Variants in ADAMTSL1 observed in about 807,000 individuals in gnomAD.
The protein encoded by ADAMTSL1 is ADAMTS like 1, also known as ADAMTS-like protein 1.
Under a neutral mutation model 201.8 loss-of-function variants are expected in ADAMTSL1, and 126 were observed. The observed-to-expected ratio is 0.62, with a 90% CI of 0.54 to 0.72. The LOEUF (loss-of-function observed/expected upper bound fraction) is 0.72. Ranked by LOEUF, ADAMTSL1 falls within the 30% of genes least tolerant of loss-of-function variation. The pLI is 0.00. For synonymous variants in ADAMTSL1, 1,121 were observed against 903.4 expected (o/e 1.24, Z -4.32); for missense variants, 2,679 against 2,277.8 (o/e 1.18, Z -3.59).
At chr9:18,833,407 G>A (rs541234464) in intron 23 of ADAMTSL1, among the ~76,000 whole-genome samples, 231 of 152,318 alleles carry the variant, frequency 1.5e-3, no homozygotes, top group African/African-American at 5.4e-3. Context: ...TCTAACTGGT[G>A]TGAGATGGTG....
intron 12 of ADAMTSL1, among the ~76,000 whole-genome samples, chr9:18,684,350 A>G (rs2133196646): frequency 6.6e-6 from 1 of 152,296 alleles, no homozygotes; most frequent in African/African-American, 2.4e-5. Flanking sequence ...AATTGACTGT[A>G]CTTTGTTTTC....
intron 1 of ADAMTSL1, among the ~76,000 whole-genome samples, chr9:18,082,659 C>T (rs1216430269): frequency 6.6e-6 from 1 of 152,194 alleles, no homozygotes; most frequent in Non-Finnish European, 1.5e-5. Context: ...CCACCAGCTT[C>T]TTTCTGGATG....
At chr9:18,869,195 T>C (rs563997373) in intron 23 of ADAMTSL1, among the ~76,000 whole-genome samples, 1 of 152,318 alleles carries the variant, frequency 6.6e-6, no homozygotes, top group South Asian at 2.1e-4. Flanking sequence ...GATTCTTCTC[T>C]CACAGTCCTC....
chr9:18,508,469 C>A (rs957661830), intron 2 of ADAMTSL1, among the ~76,000 whole-genome samples: 1 of 152,176 alleles, frequency 6.6e-6, no homozygotes, highest in Admixed American at 6.5e-5. Context: ...TGCATCTGCT[C>A]AGGATCCTCC....
At chr9:18,160,374 A>G (rs1231623754) in intron 1 of ADAMTSL1, among the ~76,000 whole-genome samples, 1 of 151,938 alleles carries the variant, frequency 6.6e-6, no homozygotes, top group Non-Finnish European at 1.5e-5. Flanking sequence ...TTGAATCCGG[A>G]AGAGATTTAA....
At chr9:18,300,310 A>G (rs541555412) in intron 2 of ADAMTSL1, among the ~76,000 whole-genome samples, 1 of 152,316 alleles carries the variant, frequency 6.6e-6, no homozygotes, top group South Asian at 2.1e-4. Flanking sequence ...TGTCCTTTGC[A>G]GGGACGTGGA....
chr9:18,521,727 T>C (rs1257568075), intron 2 of ADAMTSL1, among the ~76,000 whole-genome samples: 1 of 152,178 alleles, frequency 6.6e-6, no homozygotes, highest in East Asian at 1.9e-4. Flanking sequence ...TTCATTGTAA[T>C]TTTTGTTTAT....
chr9:18,467,187 C>T (rs1272906096), intron 2 of ADAMTSL1, among the ~76,000 whole-genome samples: 1 of 152,118 alleles, frequency 6.6e-6, no homozygotes, highest in African/African-American at 2.4e-5. Flanking sequence ...ACTCTACTTA[C>T]AAACAGGGTA....
chr9:18,455,404 A>G (rs533414279), intron 2 of ADAMTSL1, among the ~76,000 whole-genome samples: 2 of 152,186 alleles, frequency 1.3e-5, no homozygotes, highest in African/African-American at 2.4e-5. Context: ...ATATGTTGCA[A>G]ATGTTTCTAA....
chr9:18,518,979 A>T (rs915789342), intron 2 of ADAMTSL1, among the ~76,000 whole-genome samples: 4 of 152,138 alleles, frequency 2.6e-5, no homozygotes, highest in Non-Finnish European at 5.9e-5. Context: ...AGAACTTTAA[A>T]ATGCTGGCCT....
chr9:18,783,333 A>T (rs1187524642), intron 19 of ADAMTSL1, among the ~76,000 whole-genome samples: 1 of 152,226 alleles, frequency 6.6e-6, no homozygotes, highest in Non-Finnish European at 1.5e-5. Flanking sequence ...CAAAAATCCA[A>T]CGTGCATAAT....
intron 1 of ADAMTSL1, among the ~76,000 whole-genome samples, chr9:18,096,279 C>T (rs540799962): frequency 9.4e-4 from 143 of 152,280 alleles, no homozygotes; most frequent in African/African-American, 3.3e-3. Context: ...ATGACAATGA[C>T]TAAATATAGT....
intron 3 of ADAMTSL1, among the ~76,000 whole-genome samples, chr9:18,556,475 A>G (rs75582903): frequency 4.1e-4 from 63 of 152,086 alleles, no homozygotes; most frequent in African/African-American, 1.5e-3. Flanking sequence ...ATCTAAGTGT[A>G]GCCCACTGAA....
rs529290811 is a variant in ADAMTSL1, at chr9:18,283,695, G to A, written c.207+119714G>A. 5.0e-3 allele frequency among the ~76,000 whole-genome samples: 732 copies of A among 145,500 alleles called. 4 individuals carry two copies. The highest frequency in any genetic ancestry group is 0.018 in the African/African-American group (692 of 39,182). On this transcript the variant is annotated intron_variant, in intron 2 of 29. Transcript: ENST00000680146. ...TGGGAGACTGAGGCAGGCAGATCAC[G>A]AGGTCAGGAGATCGAGACCATCCTG...
At chr9:18,270,175 C>G (rs1310673558) in intron 2 of ADAMTSL1, among the ~76,000 whole-genome samples, 2 of 151,990 alleles carry the variant, frequency 1.3e-5, no homozygotes, top group East Asian at 3.9e-4. Context: ...GGTAAAGACC[C>G]ACTTCCTGGC....
intron 1 of ADAMTSL1, among the ~76,000 whole-genome samples, chr9:17,996,588 T>C (rs1337902020): frequency 1.3e-5 from 2 of 152,022 alleles, no homozygotes; most frequent in African/African-American, 4.8e-5. Flanking sequence ...TACTTAATGT[T>C]CTTATTGTAC....
intron 1 of ADAMTSL1, among the ~76,000 whole-genome samples, chr9:18,486,883 A>G (rs2131835684): frequency 1.3e-5 from 2 of 152,116 alleles, no homozygotes; most frequent in South Asian, 4.2e-4. Context: ...ATAGCGTCCT[A>G]CTCCACTCCT....
chr9:18,378,626 C>A (rs1837413129), intron 2 of ADAMTSL1, among the ~76,000 whole-genome samples: 1 of 152,138 alleles, frequency 6.6e-6, no homozygotes, highest in South Asian at 2.1e-4. Context: ...ACAAGCCTTT[C>A]TCCTCCTCTA....
chr9:18,894,057 T>C (rs1027465843), intron 26 of ADAMTSL1, among the ~76,000 whole-genome samples: 1 of 152,196 alleles, frequency 6.6e-6, no homozygotes, highest in Non-Finnish European at 1.5e-5. Flanking sequence ...GGTGACAGAA[T>C]AGAAATAGAA....
Sources: allele counts gnomAD v4.1 joint callset (sites outside exome capture counted in the v4.1 genomes callset), GRCh38; gene constraint gnomAD v4.1.1; transcripts MANE v1.5; gene names NCBI Gene and HGNC (gene_info 2026-07-23, HGNC 2026-07-21).